The following EPHB1 variants were observed in gnomAD, a reference collection of about 807,000 sequenced individuals.
The protein encoded by EPHB1 is EPH receptor B1.
EPHB1 carries 30 observed loss-of-function variants against 94.4 expected under a neutral mutation model. The observed-to-expected ratio is 0.32, with a 90% confidence interval of 0.24 to 0.43. The LOEUF (loss-of-function observed/expected upper bound fraction) is 0.43. Ranked by LOEUF, EPHB1 falls within the 20% of genes least tolerant of loss-of-function variation. EPHB1 has a pLI of 1.00. For synonymous variants in EPHB1, 522 were observed against 489.1 expected (o/e 1.07, Z -0.89); for missense variants, 1,055 against 1,308.3 (o/e 0.81, Z 2.99).
chr3:135,048,224 C>CTTTTTTTTTTTTTTTTTT (rs71157318), intron 3 of EPHB1, among the ~76,000 whole-genome samples: 1 of 109,022 alleles, frequency 9.2e-6, no homozygotes. Context: ...AAAAAATACT[C>CTTTTTTTTTTTTTTTTTT]TTTTTTTTTT....
At chr3:135,127,014 C>A (rs1286733548) in intron 4 of EPHB1, among the ~76,000 whole-genome samples, 2 of 152,184 alleles carry the variant, frequency 1.3e-5, no homozygotes, top group Admixed American at 1.3e-4. Flanking sequence ...TGATGTTACT[C>A]AATTTCTCTG....
intron 4 of EPHB1, among the ~76,000 whole-genome samples, 175 bp downstream of exon 4, chr3:135,106,778 T>C (rs762206304): frequency 3.9e-5 from 6 of 152,224 alleles, no homozygotes; most frequent in Non-Finnish European, 5.9e-5. Context: ...GCCTTGTCCC[T>C]ACGTAGCACT....
At chr3:134,805,066 C>G (rs1052283197) in intron 1 of EPHB1, among the ~76,000 whole-genome samples, 3 of 152,154 alleles carry the variant, frequency 2.0e-5, no homozygotes, top group Non-Finnish European at 4.4e-5. Context: ...GACCTTTGCC[C>G]TTGGCTTTCT....
At chr3:135,240,471 T>C (rs1943755051) in intron 12 of EPHB1, among the ~76,000 whole-genome samples, 1 of 152,110 alleles carries the variant, frequency 6.6e-6, no homozygotes, top group African/African-American at 2.4e-5. Context: ...AGTGGCCCTG[T>C]AGAAAAGAGC....
At chr3:135,074,807 TC>T (rs1937851759) in intron 3 of EPHB1, among the ~76,000 whole-genome samples, 1 of 152,146 alleles carries the variant, frequency 6.6e-6, no homozygotes, top group African/African-American at 2.4e-5. Flanking sequence ...CTCTCCTTCT[TC>T]CATACTGCAT....
chr3:134,895,157 C>A (rs1224449545), intron 1 of EPHB1, among the ~76,000 whole-genome samples: 2 of 152,182 alleles, frequency 1.3e-5, no homozygotes, highest in Non-Finnish European at 1.5e-5. Context: ...ATTAGGAGAA[C>A]CCCAGTGCCC....
At chr3:134,855,358 C>T (rs2037089534) in intron 1 of EPHB1, among the ~76,000 whole-genome samples, 1 of 152,134 alleles carries the variant, frequency 6.6e-6, no homozygotes. Flanking sequence ...ATGGAACTGC[C>T]CTGCATGGGC....
intron 1 of EPHB1, chr3:134,852,735 A>C (rs10935136): frequency 0.93 from 141,144 of 152,064 alleles, 66,385 homozygotes; most frequent in East Asian, 1. Flanking sequence ...TACTTATGCA[A>C]CCTAATTATC....
chr3:135,252,335 A>C (rs1933156279), intron 15 of EPHB1, among the ~76,000 whole-genome samples: 1 of 148,656 alleles, frequency 6.7e-6, no homozygotes, highest in Non-Finnish European at 1.5e-5. Flanking sequence ...ATCTAGCATA[A>C]GGTATATCTC....
chr3:134,891,743 A>G (rs1259797278), intron 1 of EPHB1, among the ~76,000 whole-genome samples: 4 of 152,252 alleles, frequency 2.6e-5, no homozygotes, highest in East Asian at 3.8e-4. Flanking sequence ...ATTGATATTC[A>G]TAAGCAAGAT....
At chr3:135,146,742 A>T (rs994111985) in intron 5 of EPHB1, among the ~76,000 whole-genome samples, 2 of 152,188 alleles carry the variant, frequency 1.3e-5, no homozygotes, top group South Asian at 2.1e-4. Flanking sequence ...ACATATTTAT[A>T]TATCCTCTCA....
intron 3 of EPHB1, among the ~76,000 whole-genome samples, chr3:135,066,236 T>C (rs1469108263): frequency 6.6e-6 from 1 of 152,264 alleles, no homozygotes; most frequent in Non-Finnish European, 1.5e-5. Context: ...TGTAGTTGGA[T>C]GTCTAGGTCT....
chr3:135,180,911 T>C (rs1252100376), intron 10 of EPHB1, among the ~76,000 whole-genome samples: 1 of 152,252 alleles, frequency 6.6e-6, no homozygotes, highest in East Asian at 1.9e-4. Flanking sequence ...TCTTCACTAA[T>C]ATGCTGTCAT....
intron 13 of EPHB1, among the ~76,000 whole-genome samples, chr3:135,245,560 C>A (rs1438483560): frequency 1.3e-5 from 2 of 149,194 alleles, no homozygotes; most frequent in Non-Finnish European, 3.0e-5. Flanking sequence ...GTAATCCCAG[C>A]ACTTTGGGAG....
intron 3 of EPHB1, among the ~76,000 whole-genome samples, chr3:135,007,893 C>T (rs113407934): frequency 9.9e-5 from 15 of 152,270 alleles, no homozygotes; most frequent in African/African-American, 3.4e-4. Context: ...CAGCACCAGG[C>T]GATGACATCC....
At chr3:135,100,184 G>T (rs1938981900) in intron 3 of EPHB1, among the ~76,000 whole-genome samples, 1 of 152,192 alleles carries the variant, frequency 6.6e-6, no homozygotes, top group South Asian at 2.1e-4. Flanking sequence ...CTTCCTCCCT[G>T]CGGTGTAGCT....
chr3:134,934,083 T>C (rs1363709107), intron 2 of EPHB1, among the ~76,000 whole-genome samples: 1 of 151,284 alleles, frequency 6.6e-6, no homozygotes, highest in Non-Finnish European at 1.5e-5. Context: ...ACTCTTTATC[T>C]TTTTCTCTCT....
chr3:135,249,937 C>T (rs902712910), intron 15 of EPHB1, among the ~76,000 whole-genome samples: 1 of 152,148 alleles, frequency 6.6e-6, no homozygotes, highest in Non-Finnish European at 1.5e-5. Context: ...ATTTCCATCC[C>T]CCACAATTAT....
chr3:135,253,822 A>T (rs538677716), intron 15 of EPHB1, among the ~76,000 whole-genome samples: 103 of 152,220 alleles, frequency 6.8e-4, no homozygotes, highest in African/African-American at 2.3e-3. Flanking sequence ...CATTTTCACA[A>T]TATTGATTCT....
Sources: gnomAD v4.1 joint callset for allele counts (sites outside exome capture counted in the v4.1 genomes callset) on GRCh38, gnomAD v4.1.1 for gene constraint, MANE v1.5 for transcripts, NCBI Gene and HGNC (gene_info 2026-07-23, HGNC 2026-07-21) for gene names.